Variants in ZMAT4 observed in about 807,000 individuals in gnomAD.
ZMAT4 encodes zinc finger matrin-type 4.
Under a neutral mutation model 28.7 loss-of-function variants are expected in ZMAT4, and 17 were observed. The observed-to-expected ratio is 0.59, with a 90% CI of 0.41 to 0.89. The LOEUF (loss-of-function observed/expected upper bound fraction) is 0.89, where lower values mean the gene tolerates loss of function less well. Among genes scored for constraint, ZMAT4 ranks in the 40% least tolerant of loss-of-function variants. The probability of loss-of-function intolerance (pLI) is 0.00; values close to 1 mark genes in which losing one functional copy is unlikely to be tolerated. For synonymous variants in ZMAT4, 117 were observed against 109.2 expected, an observed-to-expected ratio of 1.07 and a Z score of -0.44; for missense variants, 240 against 283.8, an observed-to-expected ratio of 0.85 and a Z score of 1.11.
At chr8:40,632,351 C>G (rs1035251553) in intron 5 of ZMAT4, among the ~76,000 whole-genome samples, 3 of 152,124 alleles carry the variant, frequency 2.0e-5, no homozygotes, top group Admixed American at 1.3e-4. Flanking sequence ...ATTTTCTCCC[C>G]TCCTTATTAC....
At chr8:40,797,176 C>G (rs894549642) in intron 2 of ZMAT4, among the ~76,000 whole-genome samples, 3 of 152,212 alleles carry the variant, frequency 2.0e-5, no homozygotes, top group Non-Finnish European at 4.4e-5. Context: ...CCTCCCAGTG[C>G]CTCTGTGAAT....
intron 6 of ZMAT4, among the ~76,000 whole-genome samples, chr8:40,536,510 C>G (rs1802852076): frequency 6.6e-6 from 1 of 152,176 alleles, no homozygotes; most frequent in South Asian, 2.1e-4. Flanking sequence ...ATCTTCTTCT[C>G]CATTCCTGTC....
At chr8:40,772,231 C>T (rs1813415562) in intron 2 of ZMAT4, among the ~76,000 whole-genome samples, 1 of 152,172 alleles carries the variant, frequency 6.6e-6, no homozygotes, top group African/African-American at 2.4e-5. Flanking sequence ...AAAGCCTTTA[C>T]CCCCGATCCT....
chr8:40,543,736 C>T lies in ZMAT4; in HGVS notation c.675-11498G>A, dbSNP rs76360487. Reference sequence around the variant, plus strand: ...ATGGTAAAGTAGTCGTAAAGCTATTCAGGTAGAAATCATTAGAATTATAAC... The same window carrying T: ...ATGGTAAAGTAGTCGTAAAGCTATTTAGGTAGAAATCATTAGAATTATAAC... On this transcript the variant is annotated intron_variant, in intron 6 of 6. Coordinates refer to ENST00000297737, the MANE Select transcript of ZMAT4 (RefSeq NM_024645.3). Among the ~76,000 whole-genome samples the T allele has an allele frequency of 2.3e-4, 35 of 152,278 alleles. No homozygotes were observed. In the East Asian group the frequency reaches 6.8e-3, roughly 29 times the overall value.
intron 2 of ZMAT4, among the ~76,000 whole-genome samples, chr8:40,798,805 A>G (rs1466567769): frequency 6.6e-6 from 1 of 152,246 alleles, no homozygotes; most frequent in African/African-American, 2.4e-5. Flanking sequence ...ATCAGTAAAT[A>G]AAACGATGGT....
chr8:40,782,758 C>G (rs1450250043), intron 2 of ZMAT4, among the ~76,000 whole-genome samples: 1 of 152,074 alleles, frequency 6.6e-6, no homozygotes, highest in Non-Finnish European at 1.5e-5. Context: ...TATTGGTTCT[C>G]CAGAAGAGAT....
chr8:40,634,409 TA>T (rs1480596566), intron 5 of ZMAT4, among the ~76,000 whole-genome samples: 1 of 152,146 alleles, frequency 6.6e-6, no homozygotes, highest in Non-Finnish European at 1.5e-5. Flanking sequence ...TTTGTCCCCA[TA>T]AAAGAGCTAG....
In ZMAT4 at chr8:40,868,502, C is replaced by T. The variant is rs117753276; in HGVS notation, c.-5+29181G>A. Among the ~76,000 whole-genome samples, 258 of 152,294 alleles carry T rather than the reference C, an allele frequency of 1.7e-3. 6 individuals carry two copies. The East Asian group carries it at 0.045, about 27-fold the overall frequency. ...TCTCAGGATACAACATCTCACTACC[C>T]TAGGACCAGGGTCAAGAAAGTCCAC... On this transcript the variant is annotated intron_variant, in intron 1 of 6. Transcript: ENST00000297737.
chr8:40,773,531 A>G (rs1012351087), intron 2 of ZMAT4, among the ~76,000 whole-genome samples: 1 of 152,232 alleles, frequency 6.6e-6, no homozygotes, highest in Non-Finnish European at 1.5e-5. Context: ...TGTGAAAAAA[A>G]TATGAAAGAA....
chr8:40,774,645 C>G (rs1444211088), intron 2 of ZMAT4, among the ~76,000 whole-genome samples: 1 of 150,710 alleles, frequency 6.6e-6, no homozygotes, highest in Non-Finnish European at 1.5e-5. Flanking sequence ...TACCAAAGAG[C>G]CACTGGCAAG....
chr8:40,739,065 A>C (rs1263048954), intron 3 of ZMAT4, among the ~76,000 whole-genome samples: 1 of 152,256 alleles, frequency 6.6e-6, no homozygotes, highest in Non-Finnish European at 1.5e-5. Context: ...TTAGTTTCTC[A>C]AAACCAAGGA....
chr8:40,865,748 T>G (rs1817657350), intron 1 of ZMAT4, among the ~76,000 whole-genome samples: 1 of 152,232 alleles, frequency 6.6e-6, no homozygotes, highest in African/African-American at 2.4e-5. Flanking sequence ...GAACCCGGAC[T>G]TTTAGACTCC....
intron 2 of ZMAT4, among the ~76,000 whole-genome samples, chr8:40,793,337 G>A (rs751090924): frequency 8.5e-5 from 13 of 152,178 alleles, no homozygotes; most frequent in Non-Finnish European, 1.8e-4. Context: ...TAAGAAGACT[G>A]AAGGACAGTT....
At chr8:40,759,805 G>A (rs771465412) in intron 3 of ZMAT4, among the ~76,000 whole-genome samples, 1 of 152,130 alleles carries the variant, frequency 6.6e-6, no homozygotes, top group Non-Finnish European at 1.5e-5. Context: ...ATCCTTTTCT[G>A]TTCCAGGAAA....
intron 1 of ZMAT4, among the ~76,000 whole-genome samples, chr8:40,879,843 G>A (rs1032812780): frequency 6.6e-6 from 1 of 152,114 alleles, no homozygotes. Context: ...TCAGCTTTAT[G>A]AGCATTGTCT....
At chr8:40,629,809 T>C (rs1806509507) in intron 5 of ZMAT4, among the ~76,000 whole-genome samples, 1 of 152,148 alleles carries the variant, frequency 6.6e-6, no homozygotes, top group Non-Finnish European at 1.5e-5. Context: ...TCTATCGTTG[T>C]TGGACATTTA....
At chr8:40,824,976 G>C (rs1815980012) in intron 2 of ZMAT4, among the ~76,000 whole-genome samples, 2 of 152,118 alleles carry the variant, frequency 1.3e-5, no homozygotes, top group Admixed American at 1.3e-4. Context: ...GTGGTCTGTT[G>C]CTCCCCGATT....
intron 4 of ZMAT4, among the ~76,000 whole-genome samples, chr8:40,676,569 C>G (rs1004035127): frequency 4.0e-5 from 6 of 151,878 alleles, no homozygotes; most frequent in African/African-American, 1.2e-4. Flanking sequence ...TTTCAGGTAA[C>G]TTTTAGGTGG....
chr8:40,728,033 A>G (rs1811380548), intron 3 of ZMAT4, among the ~76,000 whole-genome samples: 1 of 152,214 alleles, frequency 6.6e-6, no homozygotes, highest in African/African-American at 2.4e-5. Flanking sequence ...GAAAAATATT[A>G]AAGACAAGGG....
Sources: gnomAD v4.1 joint callset for allele counts (sites outside exome capture counted in the v4.1 genomes callset) on GRCh38, gnomAD v4.1.1 for gene constraint, MANE v1.5 for transcripts, NCBI Gene and HGNC (gene_info 2026-07-23, HGNC 2026-07-21) for gene names.